RALYL: variants seen among roughly 807,000 people sequenced by gnomAD.
RALYL encodes RNA-binding Raly-like protein.
In RALYL, 29 loss-of-function variants were observed where a neutral mutation model predicts 35.1. The observed-to-expected ratio is 0.83, with a 90% CI of 0.61 to 1.13. The LOEUF is 1.13. Ranked by LOEUF, RALYL falls within the 50% of genes most tolerant of loss-of-function variation. RALYL has a pLI of 0.00. For missense variants in RALYL, 359 were observed against 360.4 expected, an observed-to-expected ratio of 1.00 and a Z score of 0.03; for synonymous variants, 120 against 127.6, an observed-to-expected ratio of 0.94 and a Z score of 0.40.
At chr8:84,253,778 G>A (rs1393422327) in intron 1 of RALYL, among the ~76,000 whole-genome samples, 1 of 151,992 alleles carries the variant, frequency 6.6e-6, no homozygotes, top group Non-Finnish European at 1.5e-5. Flanking sequence ...ATTTATGCTT[G>A]GATAATTTAA....
intron 1 of RALYL, among the ~76,000 whole-genome samples, chr8:84,252,676 G>A (rs962868639): frequency 5.3e-5 from 8 of 152,124 alleles, no homozygotes; most frequent in Non-Finnish European, 8.8e-5. Flanking sequence ...TGAGGCAAGT[G>A]TGATTCCTGG....
intron 2 of RALYL, among the ~76,000 whole-genome samples, chr8:84,689,881 C>T (rs1331625012): frequency 6.6e-6 from 1 of 151,744 alleles, no homozygotes; most frequent in African/African-American, 2.4e-5. Context: ...TTCAAAAAGA[C>T]AAAAGATAGC....
At chr8:84,369,606 T>C (rs1855263924) in intron 1 of RALYL, among the ~76,000 whole-genome samples, 1 of 152,070 alleles carries the variant, frequency 6.6e-6, no homozygotes, top group African/African-American at 2.4e-5. Context: ...TCATTGGCTT[T>C]ACTTTTCATT....
intron 2 of RALYL, among the ~76,000 whole-genome samples, chr8:84,765,980 A>G (rs116056716): frequency 1.3e-5 from 2 of 152,310 alleles, no homozygotes; most frequent in South Asian, 4.1e-4. Context: ...TTTCCATATC[A>G]AAGTTAAATA....
At chr8:84,626,893 C>G (rs1420501250) in intron 2 of RALYL, among the ~76,000 whole-genome samples, 2 of 152,168 alleles carry the variant, frequency 1.3e-5, no homozygotes. Context: ...GAGCACCTTA[C>G]AGTTTGCTGC....
intron 1 of RALYL, among the ~76,000 whole-genome samples, chr8:84,453,212 A>G (rs1003376965): frequency 2.0e-5 from 3 of 151,786 alleles, no homozygotes; most frequent in Admixed American, 6.6e-5. Flanking sequence ...ATAAACATAT[A>G]CATATATACA....
intron 1 of RALYL, among the ~76,000 whole-genome samples, chr8:84,388,194 AG>A (rs568090273): frequency 8.5e-5 from 13 of 152,218 alleles, no homozygotes; most frequent in African/African-American, 3.1e-4. Flanking sequence ...ATGGCTGCAT[AG>A]TATTCCATGC....
intron 1 of RALYL, among the ~76,000 whole-genome samples, chr8:84,499,243 G>A (rs114326432): frequency 0.016 from 2,487 of 151,820 alleles, 69 homozygotes; most frequent in African/African-American, 0.056. Context: ...TACCTCCCTC[G>A]CGCCTTTATC....
At chr8:84,763,289 C>G (rs756476673) in intron 2 of RALYL, among the ~76,000 whole-genome samples, 1 of 152,092 alleles carries the variant, frequency 6.6e-6, no homozygotes, top group African/African-American at 2.4e-5. Context: ...AAGGTAAAAC[C>G]TGAGAGTTCT....
intron 1 of RALYL, among the ~76,000 whole-genome samples, chr8:84,270,773 G>A (rs1432593105): frequency 2.0e-5 from 3 of 151,950 alleles, no homozygotes; most frequent in African/African-American, 7.3e-5. Flanking sequence ...TTTGCCAATA[G>A]GTAAGTAAAT....
At chr8:84,665,087 G>GATTT (rs1831723643) in intron 2 of RALYL, among the ~76,000 whole-genome samples, 1 of 152,090 alleles carries the variant, frequency 6.6e-6, no homozygotes, top group Non-Finnish European at 1.5e-5. Context: ...AGATAATCAT[G>GATTT]TTGTTTTTGT....
chr8:84,219,823 T>C (rs1821745631), intron 1 of RALYL, among the ~76,000 whole-genome samples: 1 of 152,024 alleles, frequency 6.6e-6, no homozygotes, highest in Non-Finnish European at 1.5e-5. Flanking sequence ...AGAAAATTAC[T>C]GCTTTTCCCC....
At chr8:84,360,884 T>C (rs948569458) in intron 1 of RALYL, among the ~76,000 whole-genome samples, 7 of 151,738 alleles carry the variant, frequency 4.6e-5, no homozygotes, top group Non-Finnish European at 8.8e-5. Flanking sequence ...GGGAGTCAGG[T>C]TTCCAGACTG....
chr8:84,532,757 T>G (rs369869140), intron 2 of RALYL, among the ~76,000 whole-genome samples: 68 of 152,200 alleles, frequency 4.5e-4, no homozygotes, highest in South Asian at 4.1e-3. Flanking sequence ...TATTTATATA[T>G]GATTTAGAGA....
chr8:84,497,205 A>G (rs1162151926), intron 1 of RALYL, among the ~76,000 whole-genome samples: 2 of 152,130 alleles, frequency 1.3e-5, no homozygotes, highest in African/African-American at 2.4e-5. Context: ...CATGTCTCTG[A>G]TGGCTACTCT....
chr8:84,803,208 C>T (rs1340585224), intron 3 of RALYL, among the ~76,000 whole-genome samples: 1 of 152,070 alleles, frequency 6.6e-6, no homozygotes, highest in Non-Finnish European at 1.5e-5. Flanking sequence ...CCCATTAATG[C>T]CCACATGCTA....
At position 84,910,155 on chromosome 8, in the gene RALYL, C is replaced by T. The variant is rs538886106; in HGVS notation, c.859-10739C>T. On this transcript the variant is annotated intron_variant, in intron 8 of 8. Transcript: ENST00000521268. ...ACAATGCTTTGGATCAAGAGAAAAACATTTTTCATGACACTTGCAATTACA... is the reference window on the plus strand; with the variant it reads ...ACAATGCTTTGGATCAAGAGAAAAATATTTTTCATGACACTTGCAATTACA... 2.6e-5 allele frequency among the ~76,000 whole-genome samples: 4 copies of T among 152,246 alleles called. No homozygotes were observed. The South Asian group carries it at 6.2e-4, about 24-fold the overall frequency.
rs1288163813 is a variant in RALYL at position 84,688,771 on chromosome 8, C to A, written c.257-85808C>A. On this transcript the variant is annotated intron_variant, in intron 2 of 8. Transcript: ENST00000521268. ...GCTTTTTCACAGCAAGGGAAACAAT[C>A]ATGGAGTGAAGAGTCAACCTATGAA... Among the ~76,000 whole-genome samples, 3 of 152,048 alleles carry A rather than the reference C, an allele frequency of 2.0e-5. No individual in the cohort carries two copies. The East Asian group carries it at 5.8e-4, about 29-fold the overall frequency.
intron 7 of RALYL, among the ~76,000 whole-genome samples, chr8:84,877,032 A>T (rs1035743571): frequency 6.6e-6 from 1 of 152,050 alleles, no homozygotes; most frequent in Admixed American, 6.6e-5. Flanking sequence ...TATATTATCT[A>T]TTTGGTCCCT....
Sources: allele counts gnomAD v4.1 joint callset (sites outside exome capture counted in the v4.1 genomes callset), GRCh38; gene constraint gnomAD v4.1.1; transcripts MANE v1.5; gene names NCBI Gene and HGNC (gene_info 2026-07-23, HGNC 2026-07-21).